Variants in C3orf20 observed in about 807,000 individuals in gnomAD.
The protein encoded by C3orf20 is uncharacterized protein C3orf20.
Under a neutral mutation model 88.3 loss-of-function variants are expected in C3orf20, and 76 were observed. That is an observed-to-expected ratio of 0.86 (90% confidence interval 0.72 to 1.04). The LOEUF is 1.04. C3orf20 is among the 50% of genes least tolerant of loss of function. The pLI is 0.00. For synonymous variants in C3orf20, 436 were observed against 437.4 expected (o/e 1.00, Z 0.04); for missense variants, 1,056 against 1,123.3 (o/e 0.94, Z 0.86).
chr3:14,685,460 TTCTCTC>T lies in C3orf20; in HGVS notation c.625+1094_625+1099del, dbSNP rs60024348. Among the ~76,000 whole-genome samples, 7 of 139,098 alleles carry T rather than the reference TTCTCTC, an allele frequency of 5.0e-5. No individual in the cohort carries two copies. In the East Asian group the frequency reaches 1.3e-3, roughly 25 times the overall value. The allele number at this position is 139,098 out of a possible 152,430, so 91.3% of individuals were successfully genotyped here. On this transcript the variant is annotated intron_variant, in intron 4 of 16. Coordinates refer to ENST00000253697, the MANE Select transcript of C3orf20 (RefSeq NM_032137.5). Reference sequence around the variant, plus strand: ...GTGACCTCTCTCTCTCTCTCTCTGTTTCTCTCTCTCTCTCTCTCTCTGTGCGTGCGT... The same window carrying T: ...GTGACCTCTCTCTCTCTCTCTCTGTTTCTCTCTCTCTCTCTGTGCGTGCGT...
At chr3:14,771,990 C>A in intron 15 of C3orf20, 77 bp from the exon 16 acceptor site, 1 of 1,568,018 alleles carries the variant, frequency 6.4e-7, no homozygotes, top group Non-Finnish European at 8.7e-7. Flanking sequence ...TCTGTCCAGG[C>A]TCCCAGAACA....
At chr3:14,684,435 GA>G in intron 4 of C3orf20, 53 bp downstream of exon 4, 1 of 1,580,532 alleles carries the variant, frequency 6.3e-7, no homozygotes, top group Non-Finnish European at 8.6e-7. Context: ...ATATCAGCAG[GA>G]ATGCAATGGA....
At chr3:14,743,070 C>T (rs1276334870) in intron 12 of C3orf20, among the ~76,000 whole-genome samples, 5 of 151,938 alleles carry the variant, frequency 3.3e-5, no homozygotes, top group Admixed American at 6.5e-5. Context: ...GCCTTCCCAA[C>T]AGTCCCCCAA....
chr3:14,750,371 G>C (rs2035184524), intron 12 of C3orf20, among the ~76,000 whole-genome samples: 1 of 152,082 alleles, frequency 6.6e-6, no homozygotes, highest in Non-Finnish European at 1.5e-5. Flanking sequence ...GCAACATGGT[G>C]ATAACTTGTC....
At chr3:14,771,358 A>C (rs1431751936) in intron 15 of C3orf20, among the ~76,000 whole-genome samples, 1 of 152,264 alleles carries the variant, frequency 6.6e-6, no homozygotes, top group Non-Finnish European at 1.5e-5. Context: ...AAGGTGACCC[A>C]AACTGAGTGG....
chr3:14,731,015 A>G (rs775075871), intron 12 of C3orf20, among the ~76,000 whole-genome samples: 1 of 152,194 alleles, frequency 6.6e-6, no homozygotes, highest in Non-Finnish European at 1.5e-5. Context: ...AACTGTGAAC[A>G]GTACCAAGCC....
chr3:14,697,908 A>G (rs1229135758), intron 5 of C3orf20, among the ~76,000 whole-genome samples: 2 of 152,116 alleles, frequency 1.3e-5, no homozygotes, highest in East Asian at 3.9e-4. Flanking sequence ...TTATGGCTGC[A>G]TAGTATTCCA....
intron 12 of C3orf20, among the ~76,000 whole-genome samples, chr3:14,738,178 T>TC (rs2034779507): frequency 2.0e-5 from 3 of 148,526 alleles, no homozygotes; most frequent in Admixed American, 6.7e-5. Context: ...TTTTTTTTTT[T>TC]TTTTTTTGAG....
At chr3:14,760,133 T>A in intron 14 of C3orf20, 135 bp downstream of exon 14, 1 of 715,714 alleles carries the variant, frequency 1.4e-6, no homozygotes, top group Non-Finnish European at 2.4e-6. Context: ...CTCCCCACCG[T>A]GGCTGAGGCC....
At chr3:14,677,936 G>C (rs113640511) in intron 1 of C3orf20, among the ~76,000 whole-genome samples, 1 of 151,736 alleles carries the variant, frequency 6.6e-6, no homozygotes, top group African/African-American at 2.4e-5. Context: ...GCAGCAGAAG[G>C]AGCACCCTAC....
chr3:14,675,908 T>C (rs2031740612), intron 1 of C3orf20, among the ~76,000 whole-genome samples: 1 of 152,054 alleles, frequency 6.6e-6, no homozygotes, highest in African/African-American at 2.4e-5. Context: ...GCCAGGCTGG[T>C]CTCGAGCTCC....
rs1559392568 is a variant in C3orf20 at position 14,682,841 on chromosome 3, T to C, written c.128T>C (p.Ile43Thr). 6.2e-7 allele frequency: 1 copy of C among 1,614,048 alleles called. No individual in the cohort carries two copies. The highest frequency in any genetic ancestry group is 1.3e-5 in the African/African-American group (1 of 74,916). ...GCAGGCATTTCTGTACCAAAAGGCA[T>C]CAGAAACATCTTTGAGTTCACTTGG... ...QNAGISVPKG[I>T]RNIFEFTWEE... Residue 43 changes from isoleucine (I) to threonine (T), a missense_variant, in exon 3 of 17, where the codon ATC becomes ACC. Transcript: ENST00000253697.
intron 4 of C3orf20, among the ~76,000 whole-genome samples, 195 bp from the exon 5 acceptor site, chr3:14,689,802 T>C (rs1336731663): frequency 6.6e-6 from 1 of 152,206 alleles, no homozygotes; most frequent in Non-Finnish European, 1.5e-5. Flanking sequence ...AGAGGGGAAC[T>C]GTAAAGATTT....
intron 7 of C3orf20, among the ~76,000 whole-genome samples, chr3:14,711,231 A>G (rs2033725610): frequency 6.6e-6 from 1 of 152,188 alleles, no homozygotes; most frequent in South Asian, 2.1e-4. Flanking sequence ...TCTTCTGTCT[A>G]GTTGTTCTAT....
intron 12 of C3orf20, among the ~76,000 whole-genome samples, chr3:14,754,093 A>C (rs369487726): frequency 1.1e-4 from 16 of 152,208 alleles, no homozygotes; most frequent in African/African-American, 3.4e-4. Context: ...ATTCCCTGGT[A>C]TGCATGTGAG....
chr3:14,756,207 G>A (rs967378079), intron 12 of C3orf20, among the ~76,000 whole-genome samples: 4 of 150,796 alleles, frequency 2.7e-5, no homozygotes, highest in Admixed American at 2.0e-4. Flanking sequence ...CCACAGTCTT[G>A]GAATAGACAT....
chr3:14,691,372 C>T (rs2032723695), intron 5 of C3orf20, among the ~76,000 whole-genome samples: 1 of 152,190 alleles, frequency 6.6e-6, no homozygotes, highest in African/African-American at 2.4e-5. Context: ...GCCCTGTGAT[C>T]CCACAGTCAG....
chr3:14,741,986 T>C (rs1020727394), intron 12 of C3orf20, among the ~76,000 whole-genome samples: 1 of 152,190 alleles, frequency 6.6e-6, no homozygotes, highest in Non-Finnish European at 1.5e-5. Context: ...CTGGTGGGCA[T>C]GTCTGATGGA....
chr3:14,695,111 A>T (rs2032935572), intron 5 of C3orf20, among the ~76,000 whole-genome samples: 1 of 151,988 alleles, frequency 6.6e-6, no homozygotes, highest in South Asian at 2.1e-4. Flanking sequence ...CTTCTTTTTG[A>T]TGTAGGCACT....
Sources: allele counts gnomAD v4.1 joint callset (sites outside exome capture counted in the v4.1 genomes callset), GRCh38; gene constraint gnomAD v4.1.1; transcripts MANE v1.5; gene names NCBI Gene and HGNC (gene_info 2026-07-23, HGNC 2026-07-21).